DSTYK: variants seen among roughly 807,000 people sequenced by gnomAD.
DSTYK encodes the protein RIP-homologous kinase.
In DSTYK, 34 loss-of-function variants were observed where a neutral mutation model predicts 98.7. The ratio of observed to expected loss-of-function variants is 0.34; its 90% confidence interval spans 0.26 to 0.46. The LOEUF (loss-of-function observed/expected upper bound fraction) is 0.46, where lower values mean the gene tolerates loss of function less well. Among genes scored for constraint, DSTYK ranks in the 20% least tolerant of loss-of-function variants. DSTYK has a pLI of 1.00. For synonymous variants in DSTYK, 462 were observed against 457.3 expected (o/e 1.01, Z -0.13); for missense variants, 962 against 1,181.7 (o/e 0.81, Z 2.73).
Position 205,162,941 on chromosome 1 carries a change from T to G in DSTYK, c.1623A>C (p.Leu541=). 6.2e-7 allele frequency: 1 copy of G among 1,613,830 alleles called. No homozygotes were observed. Among genetic ancestry groups the G allele is most frequent in the Non-Finnish European group, 8.5e-7 (1 of 1,179,720 alleles). ...TCCCTACCTGTTTGATTTGCTCCCA[T>G]AGCATCCTTGTAACTGACGACCCTG... ...FHSGSSVTRM[L]WEQIKQIIQR... Residue 541 remains leucine, a synonymous_variant, in exon 5 of 13, where the codon CTA becomes CTC. Transcript: ENST00000367162.
At chr1:205,151,436 C>T (rs1018461828) in intron 10 of DSTYK, among the ~76,000 whole-genome samples, 7 of 152,160 alleles carry the variant, frequency 4.6e-5, no homozygotes, top group Admixed American at 3.3e-4. Flanking sequence ...TTACAACACA[C>T]ATTGTATAGC....
At chr1:205,206,178 C>T (rs1205300660) in intron 1 of DSTYK, among the ~76,000 whole-genome samples, 2 of 152,184 alleles carry the variant, frequency 1.3e-5, no homozygotes, top group Non-Finnish European at 2.9e-5. Flanking sequence ...ATCCCCCATA[C>T]GCAGCACATT....
chr1:205,169,854 A>G lies in DSTYK; in HGVS notation c.655-22T>C, dbSNP rs778575128. ...CTTCCTGGAAGGGGAAGGGGGTCAT[A>G]TATCAGCGCCTCAGGGTCAGAACCA... On this transcript the variant is annotated intron_variant, in intron 2 of 12. Transcript: ENST00000367162. This position sits in a 1 kb window ranked among gnomAD's most constrained non-coding sequence, Gnocchi z 4.0. 19 of 1,590,968 alleles carry G rather than the reference A, an allele frequency of 1.2e-5. No individual in the cohort carries two copies. In the East Asian group the frequency reaches 2.0e-4, roughly 17 times the overall value.
chr1:205,207,075 A>G (rs551319477), intron 1 of DSTYK, among the ~76,000 whole-genome samples: 2 of 139,264 alleles, frequency 1.4e-5, no homozygotes, highest in African/African-American at 2.5e-5. Flanking sequence ...AAGTCACTCC[A>G]GTATCTTTTT....
intron 1 of DSTYK, among the ~76,000 whole-genome samples, chr1:205,209,010 T>C (rs1223414706): frequency 6.6e-6 from 1 of 152,220 alleles, no homozygotes; most frequent in Non-Finnish European, 1.5e-5. Flanking sequence ...CAGGTTTTTA[T>C]CTGGGATGGA....
chr1:205,174,442 G>A (rs1658164815), intron 2 of DSTYK, among the ~76,000 whole-genome samples: 1 of 150,628 alleles, frequency 6.6e-6, no homozygotes, highest in African/African-American at 2.4e-5. Flanking sequence ...GAACCCAGAA[G>A]GAGGAGGTTG....
At chr1:205,205,751 G>A (rs1259701572) in intron 1 of DSTYK, among the ~76,000 whole-genome samples, 1 of 152,026 alleles carries the variant, frequency 6.6e-6, no homozygotes, top group African/African-American at 2.4e-5. Context: ...AGCCGAAAAT[G>A]CCTATTTTAA....
At chr1:205,181,957 T>C (rs1390097178) in intron 2 of DSTYK, among the ~76,000 whole-genome samples, 1 of 152,112 alleles carries the variant, frequency 6.6e-6, no homozygotes. Flanking sequence ...CAGTGTTTAG[T>C]AAATTTGGGG....
rs1659323325 is a variant in DSTYK at position 205,209,976 on chromosome 1, C to G, written c.265+1295G>C. On this transcript the variant is annotated intron_variant, in intron 1 of 12. Coordinates refer to ENST00000367162, the MANE Select transcript of DSTYK (RefSeq NM_015375.3). ...AGTGCAGTGGCACAATCTCTGCTCACTGCAACCTCCGCCGCCTGGTTTCAA... is the reference window on the plus strand; with the variant it reads ...AGTGCAGTGGCACAATCTCTGCTCAGTGCAACCTCCGCCGCCTGGTTTCAA... 2.0e-5 allele frequency among the ~76,000 whole-genome samples: 3 copies of G among 152,058 alleles called. No homozygotes were observed. In the South Asian group the frequency reaches 6.2e-4, roughly 32 times the overall value.
At chr1:205,206,542 G>A (rs935414283) in intron 1 of DSTYK, among the ~76,000 whole-genome samples, 1 of 150,216 alleles carries the variant, frequency 6.7e-6, no homozygotes, top group East Asian at 2.0e-4. Context: ...GCCTGCCAAA[G>A]TGTTGGGATT....
rs35845538 is a variant in DSTYK at position 205,169,193 on chromosome 1, G to C, written c.1294C>G (p.Leu432Val). The C allele has an allele frequency of 0.043, 69,717 of 1,607,754 alleles. 1,825 individuals are homozygous for C. Among genetic ancestry groups the C allele is most frequent in the Non-Finnish European group, 0.052 (61,198 of 1,176,480 alleles). The change falls in exon 3 of 13, where the codon CTG (leucine) becomes GTG (valine). Residue 432 changes from leucine to valine, a missense_variant. Physicochemically the swap from Leu to Val is conservative, Grantham distance 32. Around this residue, in one of 4 missense-constraint regions of DSTYK, gnomAD observed 660 missense variants for 855.0 expected, o/e 0.77. Transcript: ENST00000367162. The surrounding 1 kb of genome is among the most constrained non-coding windows in gnomAD (Gnocchi z 4.0). The stretch of plus-strand genomic sequence containing the variant: ...AACTCCATGTTAGTAGCATCATCCA[G>C]AAGTTCCTCCTTCATGGTATTAAGT... Reference protein sequence around the residue: ...ETLNTMKEELLDDATNMEFKD... With the variant: ...ETLNTMKEELVDDATNMEFKD...
intron 1 of DSTYK, among the ~76,000 whole-genome samples, chr1:205,200,198 A>G (rs1479318607): frequency 7.9e-5 from 12 of 151,926 alleles, no homozygotes; most frequent in Admixed American, 6.6e-4. Flanking sequence ...CACCGCGACC[A>G]GATGATTTTT....
At chr1:205,160,001 C>A in intron 8 of DSTYK, 113 bp downstream of exon 8, 1 of 1,306,574 alleles carries the variant, frequency 7.7e-7, no homozygotes, top group East Asian at 2.3e-5. Context: ...CTGTTAGACA[C>A]AGAAAACTAA....
intron 1 of DSTYK, among the ~76,000 whole-genome samples, chr1:205,192,918 G>A (rs117508264): frequency 1.3e-5 from 2 of 152,266 alleles, no homozygotes; most frequent in East Asian, 3.9e-4. Context: ...GCAGTGAACT[G>A]CAGAGCTCTG....
chr1:205,188,739 T>C (rs948837356), intron 1 of DSTYK, among the ~76,000 whole-genome samples: 1 of 152,220 alleles, frequency 6.6e-6, no homozygotes, highest in Admixed American at 6.5e-5. Flanking sequence ...CAAGTTTGCA[T>C]AAGCTCTAGA....
intron 1 of DSTYK, among the ~76,000 whole-genome samples, chr1:205,201,382 T>C (rs1314246637): frequency 9.4e-6 from 1 of 106,114 alleles, no homozygotes; most frequent in Admixed American, 1.0e-4. Flanking sequence ...ACACACAAAA[T>C]TAAAAACAAA....
At chr1:205,206,946 G>T (rs1331542299) in intron 1 of DSTYK, among the ~76,000 whole-genome samples, 1 of 152,108 alleles carries the variant, frequency 6.6e-6, no homozygotes, top group Non-Finnish European at 1.5e-5. Flanking sequence ...CCTATTTCCA[G>T]ATGAGGAAAT....
At position 205,160,159 on chromosome 1, in the gene DSTYK, T is replaced by C. The variant is rs1211919331; in HGVS notation, c.2060A>G (p.Asp687Gly). ...PCALKSVVPP[D>G]EKHWNDLALE... ...AGCCAGATCATTCCAGTGCTTCTCA[T>C]CTGGAGGGACAACTGATTTGAGGGC... The change falls in exon 8 of 13, where the codon GAT (aspartate) becomes GGT (glycine). Residue 687 changes from aspartate (D) to glycine (G), a missense_variant. This residue lies in a region of DSTYK where 660 missense variants were observed against 855.0 expected (regional missense o/e 0.77). Transcript: ENST00000367162. 1.2e-6 allele frequency: 2 copies of C among 1,614,126 alleles called. No homozygotes were observed. The highest frequency in any genetic ancestry group is 1.7e-6 in the Non-Finnish European group (2 of 1,180,002).
At chr1:205,178,488 G>A (rs1558614504) in intron 2 of DSTYK, among the ~76,000 whole-genome samples, 2 of 151,914 alleles carry the variant, frequency 1.3e-5, no homozygotes, top group African/African-American at 4.8e-5. Flanking sequence ...ATAGAAAGGA[G>A]GGAAAACTTT....
Sources: allele counts gnomAD v4.1 joint callset (sites outside exome capture counted in the v4.1 genomes callset), GRCh38; gene constraint gnomAD v4.1.1; regional missense constraint gnomAD v4.1.1; non-coding constraint Gnocchi (gnomAD v3.1); transcripts MANE v1.5; gene names NCBI Gene and HGNC (gene_info 2026-07-23, HGNC 2026-07-21).